The following CCDC158 variants were observed in gnomAD, a reference collection of about 807,000 sequenced individuals.
CCDC158 encodes coiled-coil domain-containing protein 158.
CCDC158 carries 116 observed loss-of-function variants against 138.6 expected under a neutral mutation model. That is an observed-to-expected ratio of 0.84 (90% CI 0.72 to 0.98). The LOEUF is 0.98. CCDC158 is among the 50% of genes least tolerant of loss of function. The probability of loss-of-function intolerance (pLI) is 0.00; values close to 1 mark genes in which losing one functional copy is unlikely to be tolerated. For missense variants in CCDC158, 1,265 were observed against 1,306.1 expected (o/e 0.97, Z 0.48); for synonymous variants, 436 against 442.4 (o/e 0.99, Z 0.18).
At chr4:76,341,262 A>G (rs1488874762) in intron 18 of CCDC158, among the ~76,000 whole-genome samples, 2 of 152,224 alleles carry the variant, frequency 1.3e-5, no homozygotes, top group East Asian at 3.8e-4. Flanking sequence ...GTACTCCTCA[A>G]CCAGTTCTGT....
At chr4:76,378,163 G>A (rs945327837) in intron 9 of CCDC158, among the ~76,000 whole-genome samples, 5 of 152,060 alleles carry the variant, frequency 3.3e-5, no homozygotes, top group African/African-American at 1.2e-4. Flanking sequence ...TTATTTCCAT[G>A]CGCGAGCCAA....
At chr4:76,339,172 A>C (rs1044074313) in intron 18 of CCDC158, among the ~76,000 whole-genome samples, 42 of 152,278 alleles carry the variant, frequency 2.8e-4, no homozygotes, top group African/African-American at 9.9e-4. Flanking sequence ...AAGAAAAAAA[A>C]CCATGAACAT....
At position 76,379,269 on chromosome 4, in the gene CCDC158, AC is replaced by A; in HGVS notation, c.1029+20del. On this transcript the variant is annotated intron_variant, in intron 9 of 24. Transcript: ENST00000682701. ...TGGATATTAAAGTCTCTAGAAACAGACCAGCAAAACCTAAACTCACCTTGTC... is the reference window on the plus strand; with the variant it reads ...TGGATATTAAAGTCTCTAGAAACAGACAGCAAAACCTAAACTCACCTTGTC... 1 of 1,447,468 alleles carries A rather than the reference AC, an allele frequency of 6.9e-7. No homozygotes were observed. The highest frequency in any genetic ancestry group is 9.5e-7 in the Non-Finnish European group (1 of 1,048,420). The allele number at this position is 1,447,468 out of a possible 1,614,324, so 89.7% of individuals were successfully genotyped here. A position where few individuals can be genotyped will look rare whatever the true frequency, so the allele number is the denominator to read the frequency against.
At chr4:76,352,348 A>C (rs374136515) in intron 16 of CCDC158, 2 of 152,624 alleles carry the variant, frequency 1.3e-5, no homozygotes, top group African/African-American at 4.8e-5. Context: ...CGGAGGTTGC[A>C]GTGAGCCGAG....
chr4:76,350,601 CTT>C (rs1376707457), intron 18 of CCDC158, among the ~76,000 whole-genome samples: 2 of 152,006 alleles, frequency 1.3e-5, no homozygotes, highest in African/African-American at 4.8e-5. Context: ...ATAAAAGTGT[CTT>C]ATAATTAATA....
intron 13 of CCDC158, among the ~76,000 whole-genome samples, chr4:76,361,577 A>G (rs1256188677): frequency 6.6e-6 from 1 of 152,142 alleles, no homozygotes; most frequent in Non-Finnish European, 1.5e-5. Context: ...TAAATAAATA[A>G]AATAAATTAT....
At chr4:76,403,322 T>A in intron 2 of CCDC158, 42 bp from the exon 3 acceptor site, 1 of 633,516 alleles carries the variant, frequency 1.6e-6, no homozygotes, top group Non-Finnish European at 2.5e-6. Context: ...CAAGGTACTA[T>A]GTGAAAAAAG....
At chr4:76,339,315 G>A (rs1157774126) in intron 18 of CCDC158, among the ~76,000 whole-genome samples, 2 of 152,158 alleles carry the variant, frequency 1.3e-5, no homozygotes, top group Non-Finnish European at 2.9e-5. Context: ...GATCCTGCCT[G>A]CTGCTACATA....
intron 18 of CCDC158, 72 bp downstream of exon 18, chr4:76,350,924 G>A (rs181063216): frequency 5.1e-5 from 72 of 1,425,190 alleles, no homozygotes; most frequent in Non-Finnish European, 6.4e-5. Context: ...ATTTTTTAAC[G>A]TAATTCTTTC....
rs548961621 is a variant in CCDC158 at position 76,400,947 on chromosome 4, T to A, written c.70+2191A>T. Among the ~76,000 whole-genome samples the A allele has an allele frequency of 2.0e-4, 30 of 152,226 alleles. 2 individuals carry two copies. The South Asian group carries it at 6.2e-3, about 32-fold the overall frequency. ...TGAAGATAGAAAGAGGTTGATAATT[T>A]TGGAGAAAATGGCAGAACCTAAAGC... is the stretch of plus-strand genomic sequence containing the variant. On this transcript the variant is annotated intron_variant, in intron 3 of 24. Coordinates refer to ENST00000682701, the MANE Select transcript of CCDC158 (RefSeq NM_001394954.1).
chr4:76,333,079 C>T (rs1289650638), intron 19 of CCDC158, among the ~76,000 whole-genome samples: 1 of 152,062 alleles, frequency 6.6e-6, no homozygotes, highest in Admixed American at 6.6e-5. Context: ...GCTAGTGGGA[C>T]AGTTCTGACA....
chr4:76,369,557 G>A lies in CCDC158; in HGVS notation c.1216C>T (p.Arg406Ter), dbSNP rs758087871. The change falls in exon 11 of 25, where the codon CGA (arginine) becomes TGA (stop). Residue 406 changes from arginine to a stop codon, truncating the protein, a stop_gained. Coordinates refer to ENST00000682701, the MANE Select transcript of CCDC158 (RefSeq NM_001394954.1). LOFTEE classifies it high-confidence loss of function. ...ATGGTGATGCTGTTGCCTGTGTCTC[G>A]GTCCCACAGACGCTTATTCTGCTCC... ...EKEQNKRLWD[R>*]DTGNSITIDH... 19 of 1,614,052 alleles carry A rather than the reference G, an allele frequency of 1.2e-5. No individual in the cohort carries two copies. Among genetic ancestry groups the A allele is most frequent in the Non-Finnish European group, 1.4e-5 (17 of 1,180,002 alleles).
At chr4:76,341,100 T>C (rs1384512769) in intron 18 of CCDC158, among the ~76,000 whole-genome samples, 1 of 152,234 alleles carries the variant, frequency 6.6e-6, no homozygotes, top group East Asian at 1.9e-4. Flanking sequence ...AATCATTTTA[T>C]GTTAGACTTG....
intron 24 of CCDC158, among the ~76,000 whole-genome samples, chr4:76,314,697 G>A (rs1719204379): frequency 6.6e-6 from 1 of 152,240 alleles, no homozygotes; most frequent in African/African-American, 2.4e-5. Flanking sequence ...AGTAGAAGGA[G>A]CAGTGGGAAG....
At chr4:76,417,254 T>G (rs911560581) in intron 1 of CCDC158, among the ~76,000 whole-genome samples, 2 of 152,256 alleles carry the variant, frequency 1.3e-5, no homozygotes, top group Admixed American at 6.5e-5. Context: ...AATGGCTATA[T>G]GTACCCAATA....
At chr4:76,328,170 T>C (rs1720694362) in intron 22 of CCDC158, among the ~76,000 whole-genome samples, 2 of 152,344 alleles carry the variant, frequency 1.3e-5, no homozygotes, top group South Asian at 4.1e-4. Context: ...TTAATGGAGA[T>C]CATCTTATCT....
At chr4:76,407,907 G>T (rs1165909841) in intron 2 of CCDC158, among the ~76,000 whole-genome samples, 3 of 152,054 alleles carry the variant, frequency 2.0e-5, no homozygotes, top group Non-Finnish European at 2.9e-5. Context: ...GAATGCTTGC[G>T]TTATTCATCA....
intron 7 of CCDC158, among the ~76,000 whole-genome samples, chr4:76,383,069 A>G (rs1347867323): frequency 6.6e-6 from 1 of 152,224 alleles, no homozygotes; most frequent in Non-Finnish European, 1.5e-5. Context: ...ATTGTAGACT[A>G]TGGAAAGGTT....
chr4:76,421,333 G>A (rs1160484794), upstream of CCDC158, among the ~76,000 whole-genome samples: 1 of 151,962 alleles, frequency 6.6e-6, no homozygotes, highest in Non-Finnish European at 1.5e-5. Context: ...CGTCGCTGGG[G>A]CATCCGAGCG....
Sources: gnomAD v4.1 joint callset for allele counts (sites outside exome capture counted in the v4.1 genomes callset) on GRCh38, gnomAD v4.1.1 for gene constraint, MANE v1.5 for transcripts, NCBI Gene and HGNC (gene_info 2026-07-23, HGNC 2026-07-21) for gene names.